The following ESCO1 variants were observed in gnomAD, a reference collection of about 807,000 sequenced individuals.
ESCO1 encodes the protein establishment of sister chromatid cohesion N-acetyltransferase 1.
Under a neutral mutation model 83.5 loss-of-function variants are expected in ESCO1, and 33 were observed. The observed-to-expected ratio is 0.40, with a 90% CI of 0.30 to 0.53. The LOEUF (loss-of-function observed/expected upper bound fraction) is 0.53, where lower values mean the gene tolerates loss of function less well. Among genes scored for constraint, ESCO1 ranks in the 20% least tolerant of loss-of-function variants. The pLI is 0.63. For synonymous variants in ESCO1, 332 were observed against 324.3 expected, an observed-to-expected ratio of 1.02 and a Z score of -0.25; for missense variants, 855 against 968.0, an observed-to-expected ratio of 0.88 and a Z score of 1.55.
intron 10 of ESCO1, among the ~76,000 whole-genome samples, chr18:21,535,272 T>C (rs932423351): frequency 6.6e-6 from 1 of 151,842 alleles, no homozygotes; most frequent in Non-Finnish European, 1.5e-5. Context: ...TGGAGTGCAA[T>C]GGCGTGACCT....
At chr18:21,599,665 T>C (rs2038813694) in intron 1 of ESCO1, among the ~76,000 whole-genome samples, 1 of 152,084 alleles carries the variant, frequency 6.6e-6, no homozygotes, top group Non-Finnish European at 1.5e-5. Flanking sequence ...GAAAACATGG[T>C]TCATAGTACT....
chr18:21,589,131 C>G (rs1315974519), intron 1 of ESCO1, among the ~76,000 whole-genome samples: 1 of 151,538 alleles, frequency 6.6e-6, no homozygotes, highest in Non-Finnish European at 1.5e-5. Flanking sequence ...CCCAGCTACT[C>G]AGGAGGCTGG....
At position 21,575,449 on chromosome 18, in the gene ESCO1, AAAAT is replaced by A. The variant is rs1236251675; in HGVS notation, c.-587-23_-587-20del. 2.0e-5 allele frequency: 8 copies of A among 398,174 alleles called. No homozygotes were observed. Among genetic ancestry groups the A allele is most frequent in the Non-Finnish European group, 3.1e-5 (7 of 225,892 alleles). 24.7% of individuals were successfully genotyped at this position (398,174 alleles called of 1,614,324 possible). A position where few individuals can be genotyped will look rare whatever the true frequency, so the allele number is the denominator to read the frequency against. On this transcript the variant is annotated intron_variant, in intron 3 of 11. Coordinates refer to ENST00000269214, the MANE Select transcript of ESCO1 (RefSeq NM_052911.3). ...GCCGTTTCTGAAAAATTAAAAAACA[AAAAT>A]AAAGTTTTGTACAATCCATGAAATA...
chr18:21,562,214 G>C (rs2038196161), intron 7 of ESCO1, among the ~76,000 whole-genome samples: 1 of 152,068 alleles, frequency 6.6e-6, no homozygotes, highest in Non-Finnish European at 1.5e-5. Context: ...AGTCTGGGGG[G>C]CCACCTGAGG....
chr18:21,580,162 G>A (rs896514044), intron 2 of ESCO1, among the ~76,000 whole-genome samples: 6 of 151,984 alleles, frequency 3.9e-5, no homozygotes, highest in African/African-American at 1.5e-4. Flanking sequence ...GCTTCCCAAA[G>A]TGCTGGGATT....
In ESCO1 at chr18:21,574,076, G is replaced by A; in HGVS notation, c.768C>T (p.Val256=). Residue 256 remains valine (V), a synonymous_variant, in exon 4 of 12, where the codon GTC becomes GTT. Coordinates refer to ENST00000269214, the MANE Select transcript of ESCO1 (RefSeq NM_052911.3). Reference sequence around the variant, plus strand: ...ACTTCTTCATCTCATTCTTTTTCGGGACCACTGAAGTAGCCATTTTTGATC... The same window carrying A: ...ACTTCTTCATCTCATTCTTTTTCGGAACCACTGAAGTAGCCATTTTTGATC... ...VKRSKMATSV[V]PKKNEMKKSV... The A allele has an allele frequency of 6.2e-7, 1 of 1,612,492 alleles. No individual in the cohort carries two copies. The highest frequency in any genetic ancestry group is 8.5e-7 in the Non-Finnish European group (1 of 1,179,970).
chr18:21,539,647 C>T (rs1455821571), intron 9 of ESCO1, among the ~76,000 whole-genome samples: 2 of 152,044 alleles, frequency 1.3e-5, no homozygotes, highest in East Asian at 1.9e-4. Flanking sequence ...GTCAGGAGTT[C>T]GAGGCCAGCC....
chr18:21,549,951 A>G (rs2038024374), intron 8 of ESCO1, among the ~76,000 whole-genome samples: 2 of 151,598 alleles, frequency 1.3e-5, no homozygotes, highest in Admixed American at 1.3e-4. Context: ...TGGGCAACAA[A>G]GACTCCATCT....
intron 1 of ESCO1, among the ~76,000 whole-genome samples, chr18:21,585,203 T>C (rs1052081997): frequency 2.0e-5 from 3 of 151,346 alleles, no homozygotes; most frequent in African/African-American, 7.3e-5. Flanking sequence ...TACCATATAA[T>C]ACAGTTTTTC....
chr18:21,532,344 C>T (rs1479421238), intron 11 of ESCO1, 129 bp downstream of exon 11: 1 of 998,588 alleles, frequency 1.0e-6, no homozygotes, highest in Non-Finnish European at 1.4e-6. Flanking sequence ...CACTGATAAC[C>T]TCATGCAAAA....
intron 6 of ESCO1, among the ~76,000 whole-genome samples, 175 bp downstream of exon 6, chr18:21,565,971 G>A (rs1002564642): frequency 2.0e-5 from 3 of 151,968 alleles, no homozygotes; most frequent in Non-Finnish European, 4.4e-5. Context: ...TGAGGTAGTA[G>A]GGTAGAAAAA....
chr18:21,570,398 C>A (rs1038309956), intron 4 of ESCO1, among the ~76,000 whole-genome samples: 2 of 152,042 alleles, frequency 1.3e-5, no homozygotes, highest in Non-Finnish European at 2.9e-5. Context: ...TGTGCCTGGC[C>A]CAAGGTGAAA....
At chr18:21,577,625 A>C (rs2038437272) in intron 2 of ESCO1, among the ~76,000 whole-genome samples, 1 of 147,410 alleles carries the variant, frequency 6.8e-6, no homozygotes, top group African/African-American at 2.5e-5. Context: ...GCACCACTGC[A>C]CTCTAGCCTG....
At chr18:21,579,787 C>T (rs868553721) in intron 2 of ESCO1, among the ~76,000 whole-genome samples, 21 of 28,188 alleles carry the variant, frequency 7.4e-4, no homozygotes, top group Middle Eastern at 0.019. Flanking sequence ...CACACACACG[C>T]GCGCGCGCAC....
chr18:21,544,844 T>C (rs866254601), intron 8 of ESCO1, among the ~76,000 whole-genome samples: 1 of 152,182 alleles, frequency 6.6e-6, no homozygotes, highest in African/African-American at 2.4e-5. Flanking sequence ...ACTGTACCAA[T>C]GGCCCAAGGT....
rs1322861216 is a variant in ESCO1, at chr18:21,574,639, T to C, written c.205A>G (p.Arg69Gly). The C allele has an allele frequency of 3.7e-6, 6 of 1,613,990 alleles. No individual in the cohort carries two copies. Among genetic ancestry groups the C allele is most frequent in the East Asian group, 4.5e-5 (2 of 44,872 alleles). ...QPELETRMST[R>G]SSKAASNDKA... ...TCATTAGATGCTGCCTTTGATGACCTTGTACTCATGCGTGTTTCCAATTCT... is the reference window on the plus strand; with the variant it reads ...TCATTAGATGCTGCCTTTGATGACCCTGTACTCATGCGTGTTTCCAATTCT... The change falls in exon 4 of 12, where the codon AGG becomes GGG. Residue 69 changes from arginine (R) to glycine (G), a missense_variant. Around this residue, in one of 2 missense-constraint regions of ESCO1, gnomAD observed 726 missense variants for 699.5 expected, o/e 1.04. Transcript: ENST00000269214.
chr18:21,551,217 T>C (rs1054794715), intron 8 of ESCO1, among the ~76,000 whole-genome samples: 2 of 151,450 alleles, frequency 1.3e-5, no homozygotes, highest in African/African-American at 4.9e-5. Context: ...ATGCCTGTAA[T>C]CCCAGCACTT....
At chr18:21,588,729 C>G (rs2038618131) in intron 1 of ESCO1, among the ~76,000 whole-genome samples, 1 of 151,818 alleles carries the variant, frequency 6.6e-6, no homozygotes, top group Non-Finnish European at 1.5e-5. Context: ...CTAGCCTGGA[C>G]AACATGGCAA....
intron 9 of ESCO1, among the ~76,000 whole-genome samples, 173 bp from the exon 10 acceptor site, chr18:21,536,358 G>T (rs943492706): frequency 4.6e-5 from 7 of 152,136 alleles, no homozygotes; most frequent in African/African-American, 1.7e-4. Flanking sequence ...AGGAGGCCAA[G>T]GCGGGTGGAT....
Sources: gnomAD v4.1 joint callset for allele counts (sites outside exome capture counted in the v4.1 genomes callset) on GRCh38, gnomAD v4.1.1 for gene constraint, gnomAD v4.1.1 regional missense constraint, MANE v1.5 for transcripts, NCBI Gene and HGNC (gene_info 2026-07-23, HGNC 2026-07-21) for gene names.